Variants in SULF1 observed in about 807,000 individuals in gnomAD.
The protein encoded by SULF1 is sulfatase 1.
In SULF1, 46 loss-of-function variants were observed where a neutral mutation model predicts 110.5. The observed-to-expected ratio is 0.42, with a 90% CI of 0.33 to 0.53. SULF1 has a LOEUF of 0.53. Among genes scored for constraint, SULF1 ranks in the 20% least tolerant of loss-of-function variants. The probability of loss-of-function intolerance (pLI) is 0.12; values close to 1 mark genes in which losing one functional copy is unlikely to be tolerated. For missense variants in SULF1, 941 were observed against 1,094.2 expected (o/e 0.86, Z 1.98); for synonymous variants, 371 against 387.1 (o/e 0.96, Z 0.49).
chr8:69,499,671 T>TCAG (rs1332833600), intron 2 of SULF1, among the ~76,000 whole-genome samples: 1 of 152,168 alleles, frequency 6.6e-6, no homozygotes, highest in African/African-American at 2.4e-5. Flanking sequence ...CATACACATA[T>TCAG]CAGCAGGAAC....
chr8:69,517,520 A>G (rs994111853), intron 3 of SULF1, among the ~76,000 whole-genome samples: 1 of 152,172 alleles, frequency 6.6e-6, no homozygotes, highest in African/African-American at 2.4e-5. Flanking sequence ...GGGAGATTAA[A>G]AGACTTGAGG....
At chr8:69,623,115 C>T (rs1367773368) in intron 14 of SULF1, among the ~76,000 whole-genome samples, 1 of 152,194 alleles carries the variant, frequency 6.6e-6, no homozygotes, top group Non-Finnish European at 1.5e-5. Flanking sequence ...CACCAGAAAG[C>T]ATGCTGCCCT....
intron 3 of SULF1, among the ~76,000 whole-genome samples, chr8:69,504,019 C>T (rs940061940): frequency 1.3e-5 from 2 of 152,034 alleles, no homozygotes; most frequent in South Asian, 4.2e-4. Context: ...AGGATGGTCT[C>T]GATCTCTTGA....
intron 3 of SULF1, among the ~76,000 whole-genome samples, chr8:69,539,709 G>A (rs1452127252): frequency 1.3e-5 from 2 of 152,186 alleles, no homozygotes; most frequent in Non-Finnish European, 1.5e-5. Flanking sequence ...GAATTTCTAC[G>A]ATTTCTACGG....
At chr8:69,497,878 C>G (rs568999125) in intron 2 of SULF1, among the ~76,000 whole-genome samples, 56 of 152,270 alleles carry the variant, frequency 3.7e-4, no homozygotes, top group Non-Finnish European at 6.0e-4. Context: ...TAAAGTACAG[C>G]TGTTAAACTA....
At chr8:69,538,309 A>C (rs1813601001) in intron 3 of SULF1, among the ~76,000 whole-genome samples, 1 of 127,730 alleles carries the variant, frequency 7.8e-6, no homozygotes, top group African/African-American at 3.1e-5. Flanking sequence ...GCTCTTGCTC[A>C]GACACATGCT....
rs1809766246 is a variant in SULF1, at chr8:69,623,389, T to C, written c.1595-553T>C. On this transcript the variant is annotated intron_variant, in intron 14 of 22. Transcript: ENST00000402687. Reference sequence around the variant, plus strand: ...GACATTCAAAACTTCAGTTTTCTCGTCCATAAAATAAGGATGAACCGGTAT... The same window carrying C: ...GACATTCAAAACTTCAGTTTTCTCGCCCATAAAATAAGGATGAACCGGTAT... Among the ~76,000 whole-genome samples, 6 of 152,302 alleles carry C rather than the reference T, an allele frequency of 3.9e-5. No individual in the cohort carries two copies. The South Asian group carries it at 1.2e-3, about 32-fold the overall frequency.
intron 3 of SULF1, among the ~76,000 whole-genome samples, chr8:69,505,660 C>T (rs1811135674): frequency 1.3e-5 from 2 of 152,164 alleles, no homozygotes; most frequent in African/African-American, 2.4e-5. Context: ...GACCCTAAAA[C>T]TTATCCTTGT....
At chr8:69,593,077 G>T in intron 8 of SULF1, 3 of 578,314 alleles carry the variant, frequency 5.2e-6, no homozygotes, top group Non-Finnish European at 6.6e-6. Flanking sequence ...GCTAATCCTT[G>T]GGTTTTGTGC....
chr8:69,607,185 C>T (rs1250600341), intron 13 of SULF1, among the ~76,000 whole-genome samples: 4 of 152,334 alleles, frequency 2.6e-5, no homozygotes, highest in Non-Finnish European at 4.4e-5. Flanking sequence ...GTTAACAAGT[C>T]CTCCAGGTGA....
chr8:69,535,731 C>T (rs895614596), intron 3 of SULF1, among the ~76,000 whole-genome samples: 2 of 152,054 alleles, frequency 1.3e-5, no homozygotes, highest in Non-Finnish European at 2.9e-5. Context: ...CCACCCTCAT[C>T]CAAAGCAAAG....
At chr8:69,530,640 A>G (rs1813017304) in intron 3 of SULF1, among the ~76,000 whole-genome samples, 1 of 152,194 alleles carries the variant, frequency 6.6e-6, no homozygotes, top group Admixed American at 6.5e-5. Context: ...CCTCTACCGT[A>G]GTAACCAGAT....
At chr8:69,507,544 A>G (rs1288102153) in intron 3 of SULF1, among the ~76,000 whole-genome samples, 1 of 152,196 alleles carries the variant, frequency 6.6e-6, no homozygotes, top group Non-Finnish European at 1.5e-5. Context: ...TCCTGGAATA[A>G]TTAGGTGGTG....
At chr8:69,473,296 C>T (rs1225456203) in intron 1 of SULF1, 1 of 152,176 alleles carries the variant, frequency 6.6e-6, no homozygotes, top group Non-Finnish European at 1.5e-5. Context: ...ATCTAAGGGA[C>T]TTGGACATGC....
At chr8:69,475,206 A>G (rs955859541) in intron 1 of SULF1, among the ~76,000 whole-genome samples, 1 of 152,124 alleles carries the variant, frequency 6.6e-6, no homozygotes, top group Non-Finnish European at 1.5e-5. Context: ...TGTCATAGCT[A>G]AGTCAGGCCA....
rs1807996370 is a variant in SULF1, at chr8:69,603,515, G to T, written c.1191-85G>T. ...ACTCATGGTCTGTGGGAAGTGAGAG[G>T]TGTTTCTTTAAATAAGCTGTTAGCA... On this transcript the variant is annotated intron_variant, in intron 11 of 22. Transcript: ENST00000402687. The T allele has an allele frequency of 3.8e-6, 5 of 1,316,876 alleles. No individual in the cohort carries two copies. The South Asian group carries it at 5.9e-5, about 16-fold the overall frequency. 81.6% of individuals were successfully genotyped at this position (1,316,876 alleles called of 1,614,324 possible). A position where few individuals can be genotyped will look rare whatever the true frequency, so the allele number is the denominator to read the frequency against.
intron 3 of SULF1, among the ~76,000 whole-genome samples, chr8:69,542,207 G>T (rs1813899142): frequency 6.6e-6 from 1 of 152,104 alleles, no homozygotes; most frequent in African/African-American, 2.4e-5. Flanking sequence ...AAGACCTTGA[G>T]AGTTCTGCAT....
intron 13 of SULF1, among the ~76,000 whole-genome samples, chr8:69,609,128 C>T (rs1313603165): frequency 6.6e-6 from 1 of 152,058 alleles, no homozygotes; most frequent in Non-Finnish European, 1.5e-5. Context: ...AGTTCTAAAT[C>T]CCCTAAGCCC....
In SULF1 at chr8:69,509,113, G is replaced by A. The variant is rs368323386; in HGVS notation, c.-134+7145G>A. On this transcript the variant is annotated intron_variant, in intron 3 of 22. Transcript: ENST00000402687. ...AAGAACATAAAAGCACTTGTAGGGG[G>A]AGTAGACATATGAAGCCACTCAAAC... is the stretch of plus-strand genomic sequence containing the variant. Among the ~76,000 whole-genome samples the A allele has an allele frequency of 1.1e-4, 16 of 152,326 alleles. 1 individual carries two copies. In the East Asian group the frequency reaches 3.1e-3, roughly 29 times the overall value.
Sources: allele counts gnomAD v4.1 joint callset (sites outside exome capture counted in the v4.1 genomes callset), GRCh38; gene constraint gnomAD v4.1.1; transcripts MANE v1.5; gene names NCBI Gene and HGNC (gene_info 2026-07-23, HGNC 2026-07-21).